FGF17: variants seen among roughly 807,000 people sequenced by gnomAD.
The protein encoded by FGF17 is fibroblast growth factor 17.
In FGF17, 5 loss-of-function variants were observed where a neutral mutation model predicts 23.5. The observed-to-expected ratio is 0.21, with a 90% confidence interval of 0.11 to 0.45. The LOEUF (loss-of-function observed/expected upper bound fraction) is 0.45. Ranked by LOEUF, FGF17 falls within the 20% of genes least tolerant of loss-of-function variation. FGF17 has a pLI of 0.99. For synonymous variants in FGF17, 136 were observed against 123.0 expected (o/e 1.11, Z -0.70); for missense variants, 221 against 306.9 (o/e 0.72, Z 2.09).
At position 22,046,309 on chromosome 8, in the gene FGF17, C is replaced by A; in HGVS notation, c.250+18C>A. 8 of 1,607,860 alleles carry A rather than the reference C, an allele frequency of 5.0e-6. No individual in the cohort carries two copies. Among genetic ancestry groups the A allele is most frequent in the Non-Finnish European group, 6.0e-6 (7 of 1,176,258 alleles). ...CAAGTTTGGTGAGAGTTGGCCCTCC[C>A]CCCAGGGCACCCACACCTCCACTCT... On this transcript the variant is annotated intron_variant, in intron 3 of 4. Coordinates refer to ENST00000359441, the MANE Select transcript of FGF17 (RefSeq NM_003867.4).
In FGF17 at chr8:22,048,330, C is replaced by G; in HGVS notation, c.*81C>G. On this transcript the variant is annotated 3_prime_UTR_variant, in exon 5 of 5. Transcript: ENST00000359441. The surrounding 1 kb of genome is among the most constrained non-coding windows in gnomAD (Gnocchi z 6.9). Reference sequence around the variant, plus strand: ...TAATCCAAGGACTGGGCTGGGGTGGCGGGAGGGGAGCCAGATCCCCGAGGG... The same window carrying G: ...TAATCCAAGGACTGGGCTGGGGTGGGGGGAGGGGAGCCAGATCCCCGAGGG... 1 of 1,250,030 alleles carries G rather than the reference C, an allele frequency of 8.0e-7. No homozygotes were observed. The highest frequency in any genetic ancestry group is 1.5e-5 in the South Asian group (1 of 65,834). 77.4% of individuals were successfully genotyped at this position (1,250,030 alleles called of 1,614,324 possible).
At chr8:22,046,717 C>T (rs1800877725) in intron 4 of FGF17, 84 bp downstream of exon 4, 10 of 864,536 alleles carry the variant, frequency 1.2e-5, no homozygotes, top group Non-Finnish European at 1.7e-5. Flanking sequence ...CCTCTCTCCT[C>T]TGAGCCACAC....
rs944954589 is a variant in FGF17, at chr8:22,048,279, G to C, written c.*30G>C. The stretch of plus-strand genomic sequence containing the variant: ...GGAGGCAGGGGGCAGCAGCCCCTGG[G>C]CCGCCTCCCCACCCCTTTCCCTTCT... On this transcript the variant is annotated 3_prime_UTR_variant, in exon 5 of 5. Coordinates refer to ENST00000359441, the MANE Select transcript of FGF17 (RefSeq NM_003867.4). The surrounding 1 kb of genome is among the most constrained non-coding windows in gnomAD (Gnocchi z 6.9). The C allele has an allele frequency of 6.5e-7, 1 of 1,536,354 alleles. No homozygotes were observed. The highest frequency in any genetic ancestry group is 1.4e-5 in the African/African-American group (1 of 73,238).
In FGF17 at chr8:22,047,944, C is replaced by T. The variant is rs374906443; in HGVS notation, c.358-12C>T. The T allele has an allele frequency of 1.2e-4, 188 of 1,594,794 alleles. No homozygotes were observed. Among genetic ancestry groups the T allele is most frequent in the Non-Finnish European group, 1.6e-4 (184 of 1,165,042 alleles). On this transcript the variant is annotated splice_polypyrimidine_tract_variant and intron_variant, in intron 4 of 4. Transcript: ENST00000359441. The stretch of plus-strand genomic sequence containing the variant: ...TGGACAAATGCCCTTCCTGTCCTTG[C>T]TTCTCCCGCAGCCCAGCGGGAAGAG...
At position 22,046,178 on chromosome 8, in the gene FGF17, A is replaced by T. The variant is rs750744833; in HGVS notation, c.137A>T (p.Gln46Leu). 3 of 1,614,164 alleles carry T rather than the reference A, an allele frequency of 1.9e-6. No individual in the cohort carries two copies. The African/African-American group carries it at 4.0e-5, about 21-fold the overall frequency. The change falls in exon 3 of 5, where the codon CAG (glutamine) becomes CTG (leucine). Residue 46 changes from glutamine (Q) to leucine (L), a missense_variant. Physicochemically the swap from Gln to Leu is moderately radical, Grantham distance 113. Around this residue, in one of 3 missense-constraint regions of FGF17, gnomAD observed 58 missense variants for 121.0 expected, o/e 0.48. Transcript: ENST00000359441. ...YVRDQGAMTD[Q>L]LSRRQIREYQ... is the part of the protein sequence containing the mutation. Reference sequence around the variant, plus strand: ...AGGGACCAGGGCGCCATGACCGACCAGCTGAGCAGGCGGCAGATCCGCGAG... The same window carrying T: ...AGGGACCAGGGCGCCATGACCGACCTGCTGAGCAGGCGGCAGATCCGCGAG...
chr8:22,044,835 T>C, intron 2 of FGF17: 1 of 985,554 alleles, frequency 1.0e-6, no homozygotes, highest in Non-Finnish European at 1.2e-6. Context: ...TCAAAGGTGA[T>C]ATTTCCCACC....
chr8:22,046,731 C>T, intron 4 of FGF17, 98 bp downstream of exon 4: 1 of 801,298 alleles, frequency 1.2e-6, no homozygotes, highest in Non-Finnish European at 2.1e-6. Context: ...GCCACACACC[C>T]TCCTGTGTAA....
At chr8:22,047,080 C>G (rs895563683) in intron 4 of FGF17, among the ~76,000 whole-genome samples, 1 of 151,944 alleles carries the variant, frequency 6.6e-6, no homozygotes, top group Non-Finnish European at 1.5e-5. Flanking sequence ...AGCCACGGAG[C>G]CCGGCCTGGT....
intron 2 of FGF17, 32 bp from the exon 3 acceptor site, chr8:22,046,082 T>TTGACACTATTTTTCCCTTGG: frequency 6.2e-7 from 1 of 1,613,968 alleles, no homozygotes; most frequent in South Asian, 1.1e-5. Flanking sequence ...CCAAAGCAAA[T>TTGACACTATTTTTCCCTTGG]TGACACTATT....
chr8:22,045,153 G>C (rs1232836766), intron 2 of FGF17: 1 of 985,392 alleles, frequency 1.0e-6, no homozygotes, highest in Non-Finnish European at 1.2e-6. Context: ...GAGAGACCTA[G>C]CTGGGAGGCG....
rs1272171508 is a variant in FGF17, at chr8:22,045,970, G to A, written c.73-144G>A. 1.9e-6 allele frequency: 3 copies of A among 1,558,078 alleles called. No individual in the cohort carries two copies. In the African/African-American group the frequency reaches 4.1e-5, roughly 21 times the overall value. On this transcript the variant is annotated intron_variant, in intron 2 of 4. Coordinates refer to ENST00000359441, the MANE Select transcript of FGF17 (RefSeq NM_003867.4). ...CCGGCTCACCCAGGGGCCTGGGAAG[G>A]CTATGGCCATATGCCCACTTCACTC...
At chr8:22,047,335 T>C (rs549758110) in intron 4 of FGF17, among the ~76,000 whole-genome samples, 2 of 152,298 alleles carry the variant, frequency 1.3e-5, no homozygotes, top group East Asian at 1.9e-4. Flanking sequence ...GCTAGCAAGA[T>C]AGACACTAAG....
upstream of FGF17, chr8:22,042,773 C>T: frequency 3.5e-6 from 2 of 574,236 alleles, no homozygotes; most frequent in East Asian, 3.5e-5. Flanking sequence ...TCCCTCTTTT[C>T]TCTCCTCCTC....
At chr8:22,045,621 C>G (rs1336767457) in intron 2 of FGF17, 2 of 1,049,940 alleles carry the variant, frequency 1.9e-6, no homozygotes, top group Non-Finnish European at 2.3e-6. Context: ...TGCTCTGTGC[C>G]CGTGTGCTGG....
At position 22,048,014 on chromosome 8, in the gene FGF17, CG is replaced by C. The variant is rs1179249157; in HGVS notation, c.418del (p.Ala140ProfsTer97). On this transcript the variant is annotated frameshift_variant, in exon 5 of 5. Coordinates refer to ENST00000359441, the MANE Select transcript of FGF17 (RefSeq NM_003867.4). LOFTEE classifies it high-confidence loss of function. This position sits in a 1 kb window ranked among gnomAD's most constrained non-coding sequence, Gnocchi z 6.9. ...GAGATCGTGCTGGAGAACAACTATACGGCCTTCCAGAACGCCCGGCACGAGG... is the reference window on the plus strand; with the variant it reads ...GAGATCGTGCTGGAGAACAACTATACGCCTTCCAGAACGCCCGGCACGAGG... Reference protein sequence around the residue: ...FTEIVLENNYTAFQNARHEGW... With the variant: ...FTEIVLENNYXAFQNARHEGW... 1 of 1,613,036 alleles carries C rather than the reference CG, an allele frequency of 6.2e-7. No individual in the cohort carries two copies. The highest frequency in any genetic ancestry group is 8.5e-7 in the Non-Finnish European group (1 of 1,179,346).
At position 22,048,278 on chromosome 8, in the gene FGF17, G is replaced by A. The variant is rs541680404; in HGVS notation, c.*29G>A. 1.1e-4 allele frequency: 177 copies of A among 1,540,996 alleles called. No homozygotes were observed. The African/African-American group carries it at 2.2e-3, about 19-fold the overall frequency. On this transcript the variant is annotated 3_prime_UTR_variant, in exon 5 of 5. Coordinates refer to ENST00000359441, the MANE Select transcript of FGF17 (RefSeq NM_003867.4). The surrounding 1 kb of genome is among the most constrained non-coding windows in gnomAD (Gnocchi z 6.9). ...GGGAGGCAGGGGGCAGCAGCCCCTG[G>A]GCCGCCTCCCCACCCCTTTCCCTTC...
chr8:22,043,045 C>A (rs576012899), intron 1 of FGF17, 82 bp downstream of exon 1: 21 of 1,597,892 alleles, frequency 1.3e-5, no homozygotes, highest in African/African-American at 2.7e-5. Flanking sequence ...GACTCCCACG[C>A]GTGCGTGCAC....
rs535614566 is a variant in FGF17 at position 22,043,018 on chromosome 8, A to G, written c.35+55A>G. On this transcript the variant is annotated intron_variant, in intron 1 of 4. Transcript: ENST00000359441. ...TCGTTGCCATTTCCAGCCTCAGGGC[A>G]GCCCTCCTCTTCCCGGGACTCCCAC... 82 of 1,606,232 alleles carry G rather than the reference A, an allele frequency of 5.1e-5. No individual in the cohort carries two copies. The African/African-American group carries it at 8.8e-4, about 17-fold the overall frequency.
intron 2 of FGF17, chr8:22,045,787 A>C: frequency 8.0e-7 from 1 of 1,253,506 alleles, no homozygotes; most frequent in Non-Finnish European, 1.0e-6. Flanking sequence ...TGCCCCGTGC[A>C]CCTCCTTCAT....
Sources: allele counts gnomAD v4.1 joint callset (sites outside exome capture counted in the v4.1 genomes callset), GRCh38; gene constraint gnomAD v4.1.1; regional missense constraint gnomAD v4.1.1; non-coding constraint Gnocchi (gnomAD v3.1); transcripts MANE v1.5; gene names NCBI Gene and HGNC (gene_info 2026-07-23, HGNC 2026-07-21).